The following FRMD4A variants were observed in gnomAD, a reference collection of about 807,000 sequenced individuals.
FRMD4A encodes the protein FERM domain containing 4A, also known as FERM domain-containing protein 4A.
FRMD4A carries 29 observed loss-of-function variants against 129.1 expected under a neutral mutation model. That is an observed-to-expected ratio of 0.22 (90% CI 0.17 to 0.31). The LOEUF is 0.31. Among genes scored for constraint, FRMD4A ranks in the 10% least tolerant of loss-of-function variants. FRMD4A has a pLI of 1.00. For missense variants in FRMD4A, 1,272 were observed against 1,375.8 expected (o/e 0.92, Z 1.19); for synonymous variants, 634 against 571.6 (o/e 1.11, Z -1.56).
intron 2 of FRMD4A, among the ~76,000 whole-genome samples, chr10:14,181,836 G>A (rs934284975): frequency 2.0e-5 from 3 of 152,106 alleles, no homozygotes; most frequent in Non-Finnish European, 4.4e-5. Context: ...GACTACAGAT[G>A]TGCACCAACA....
At chr10:14,214,541 G>A (rs1296837298) in intron 2 of FRMD4A, among the ~76,000 whole-genome samples, 1 of 152,082 alleles carries the variant, frequency 6.6e-6, no homozygotes, top group Non-Finnish European at 1.5e-5. Flanking sequence ...TTATACCTTA[G>A]TACTTAATAT....
In FRMD4A at chr10:13,945,502, G is replaced by GT. The variant is rs202159651; in HGVS notation, c.46-86591dup. On this transcript the variant is annotated intron_variant, in intron 2 of 24. Transcript: ENST00000357447. Reference sequence around the variant, plus strand: ...AAGTCTCAGGATTTTTTTCCTTGCAGTTTTTTTTTCCATTTTAATGGAACA... The same window carrying GT: ...AAGTCTCAGGATTTTTTTCCTTGCAGTTTTTTTTTTCCATTTTAATGGAACA... Among the ~76,000 whole-genome samples the GT allele has an allele frequency of 5.0e-3, 760 of 151,406 alleles. 7 individuals are homozygous for GT. The highest frequency in any genetic ancestry group is 0.039 in the South Asian group (186 of 4,796).
intron 2 of FRMD4A, among the ~76,000 whole-genome samples, chr10:14,207,463 G>C (rs141115010): frequency 6.6e-6 from 1 of 152,138 alleles, no homozygotes. Context: ...CCATGGCCCA[G>C]GGGCTGGGGA....
At chr10:13,711,137 A>T (rs1233148768) in intron 12 of FRMD4A, among the ~76,000 whole-genome samples, 1 of 152,182 alleles carries the variant, frequency 6.6e-6, no homozygotes. Flanking sequence ...CAGGAATATG[A>T]AGGCAGTAGG....
intron 8 of FRMD4A, among the ~76,000 whole-genome samples, chr10:13,749,561 A>C (rs923130957): frequency 6.6e-6 from 1 of 152,134 alleles, no homozygotes; most frequent in Non-Finnish European, 1.5e-5. Context: ...CAGCGTCACC[A>C]TTGGATGCCC....
intron 5 of FRMD4A, among the ~76,000 whole-genome samples, chr10:13,788,888 A>C (rs2092929957): frequency 6.6e-6 from 1 of 152,220 alleles, no homozygotes; most frequent in Non-Finnish European, 1.5e-5. Flanking sequence ...GCCTAGTCAG[A>C]TGGCAAGGGC....
chr10:14,062,624 G>A (rs575710970), intron 2 of FRMD4A, among the ~76,000 whole-genome samples: 1 of 152,318 alleles, frequency 6.6e-6, no homozygotes, highest in South Asian at 2.1e-4. Flanking sequence ...CTCTAAGTAG[G>A]TGTCATTTGT....
At chr10:13,739,308 A>G (rs2090849233) in intron 11 of FRMD4A, among the ~76,000 whole-genome samples, 2 of 152,220 alleles carry the variant, frequency 1.3e-5, no homozygotes, top group African/African-American at 2.4e-5. Flanking sequence ...GTGCACTGCA[A>G]CGGTTTCAGA....
chr10:14,027,331 T>C (rs1833030031), intron 2 of FRMD4A, among the ~76,000 whole-genome samples: 1 of 152,172 alleles, frequency 6.6e-6, no homozygotes, highest in African/African-American at 2.4e-5. Context: ...AAGACAATTT[T>C]TTGGGGGGCT....
At position 13,649,010 on chromosome 10, in the gene FRMD4A, G is replaced by T. The variant is rs1186581850; in HGVS notation, c.*3-1975C>A. Among the ~76,000 whole-genome samples, 11 of 152,234 alleles carry T rather than the reference G, an allele frequency of 7.2e-5. No homozygotes were observed. In the South Asian group the frequency reaches 2.3e-3, roughly 32 times the overall value. ...AATGTATATGAAACATATATTAAAG[G>T]TTCTGAGAAGTCCTGGATTAGTTTG... On this transcript the variant is annotated intron_variant, in intron 24 of 24. Coordinates refer to ENST00000357447, the MANE Select transcript of FRMD4A (RefSeq NM_018027.5).
chr10:14,142,042 G>A (rs1257104280), intron 2 of FRMD4A, among the ~76,000 whole-genome samples: 1 of 151,992 alleles, frequency 6.6e-6, no homozygotes, highest in Non-Finnish European at 1.5e-5. Context: ...TGAGTGACTG[G>A]TTTTGATTAG....
At chr10:13,912,742 G>A (rs1456459281) in intron 2 of FRMD4A, among the ~76,000 whole-genome samples, 1 of 151,876 alleles carries the variant, frequency 6.6e-6, no homozygotes, top group African/African-American at 2.4e-5. Flanking sequence ...TGTTAGCCAG[G>A]ATGGTCTCGA....
At position 13,742,298 on chromosome 10, in the gene FRMD4A, C is replaced by G. The variant is rs193173904; in HGVS notation, c.549-1721G>C. On this transcript the variant is annotated intron_variant, in intron 9 of 24. Coordinates refer to ENST00000357447, the MANE Select transcript of FRMD4A (RefSeq NM_018027.5). The stretch of plus-strand genomic sequence containing the variant: ...CCGCTTTCGGAAGGGCAGAGCCAAC[C>G]TGGGGAATCCCAGGGAAGCAGGTGC... Among the ~76,000 whole-genome samples, 810 of 152,286 alleles carry G rather than the reference C, an allele frequency of 5.3e-3. 12 individuals carry two copies. Among genetic ancestry groups the G allele is most frequent in the African/African-American group, 0.018 (752 of 41,542 alleles).
intron 2 of FRMD4A, among the ~76,000 whole-genome samples, chr10:14,170,061 G>A (rs1048623619): frequency 1.1e-4 from 17 of 152,076 alleles, no homozygotes; most frequent in African/African-American, 3.4e-4. Context: ...AGCAGATGTC[G>A]AATAATTCTA....
chr10:13,657,476 A>G lies in FRMD4A; in HGVS notation c.2113T>C (p.Phe705Leu), dbSNP rs2082264233. 13 of 1,608,590 alleles carry G rather than the reference A, an allele frequency of 8.1e-6. No individual in the cohort carries two copies. Among genetic ancestry groups the G allele is most frequent in the Non-Finnish European group, 1.1e-5 (13 of 1,179,276 alleles). The part of the protein sequence containing the change: ...PTRLHSLALH[F>L]RHRSSSLESQ... ...TCCAGGCTGGAGCTCCGGTGCCTAA[A>G]GTGCAGTGCGAGGCTGTGCAGTCGG... The change falls in exon 22 of 25, where the codon TTT becomes CTT. Residue 705 changes from phenylalanine (F) to leucine (L), a missense_variant. Phe to Leu is a conservative substitution (Grantham distance 22). Transcript: ENST00000357447.
Position 13,761,642 on chromosome 10 carries a change from C to A in FRMD4A, c.464+5G>T. On this transcript the variant is annotated splice_donor_5th_base_variant and intron_variant, in intron 8 of 24. Transcript: ENST00000357447. ...AACAACACAACAACAAAATTGTAAA[C>A]TTACCTAGAAAAATCTCCCTTTGCC... The A allele has an allele frequency of 6.2e-7, 1 of 1,602,102 alleles. No individual in the cohort carries two copies. Among genetic ancestry groups the A allele is most frequent in the Non-Finnish European group, 8.5e-7 (1 of 1,171,806 alleles).
At chr10:13,920,437 T>C (rs2131255953) in intron 2 of FRMD4A, among the ~76,000 whole-genome samples, 1 of 152,362 alleles carries the variant, frequency 6.6e-6, no homozygotes, top group South Asian at 2.1e-4. Flanking sequence ...TTTGAAAGTG[T>C]GTTAAATACT....
chr10:13,869,362 T>C (rs1245248254), intron 2 of FRMD4A, among the ~76,000 whole-genome samples: 2 of 152,306 alleles, frequency 1.3e-5, no homozygotes, highest in South Asian at 2.1e-4. Flanking sequence ...CACAGCTCAG[T>C]TGTGTGATGT....
intron 3 of FRMD4A, among the ~76,000 whole-genome samples, chr10:13,846,982 T>G (rs1277646843): frequency 3.3e-5 from 5 of 152,020 alleles, no homozygotes; most frequent in Non-Finnish European, 7.4e-5. Context: ...CACTGGGGCA[T>G]GTATTGGAGA....
Sources: gnomAD v4.1 joint callset for allele counts (sites outside exome capture counted in the v4.1 genomes callset) on GRCh38, gnomAD v4.1.1 for gene constraint, MANE v1.5 for transcripts, NCBI Gene and HGNC (gene_info 2026-07-23, HGNC 2026-07-21) for gene names.